The following SH3GL3 variants were observed in gnomAD, a reference collection of about 807,000 sequenced individuals.
SH3GL3 encodes the protein SH3 domain containing GRB2 like 3, endophilin A3, also known as endophilin-A3.
In SH3GL3, 33 loss-of-function variants were observed where a neutral mutation model predicts 47.7. That is an observed-to-expected ratio of 0.69 (90% CI 0.52 to 0.92). SH3GL3 has a LOEUF of 0.92. SH3GL3 is among the 40% of genes least tolerant of loss of function. The probability of loss-of-function intolerance (pLI) is 0.00; values close to 1 mark genes in which losing one functional copy is unlikely to be tolerated. For missense variants in SH3GL3, 363 were observed against 417.8 expected (o/e 0.87, Z 1.14); for synonymous variants, 155 against 148.8 (o/e 1.04, Z -0.30).
chr15:83,480,153 T>G (rs1279157127), intron 1 of SH3GL3, among the ~76,000 whole-genome samples: 1 of 152,192 alleles, frequency 6.6e-6, no homozygotes, highest in Non-Finnish European at 1.5e-5. Flanking sequence ...ATTTGAAAAC[T>G]GTTACAACAA....
intron 8 of SH3GL3, among the ~76,000 whole-genome samples, chr15:83,600,798 C>G (rs577791340): frequency 2.6e-5 from 4 of 152,162 alleles, no homozygotes; most frequent in Non-Finnish European, 5.9e-5. Context: ...TGGTTATCTT[C>G]ACAATATTGA....
chr15:83,541,533 A>G (rs922427332), intron 1 of SH3GL3, among the ~76,000 whole-genome samples: 2 of 151,460 alleles, frequency 1.3e-5, no homozygotes, highest in East Asian at 1.9e-4. Flanking sequence ...CGGTAATTCT[A>G]TTTTTTGAGG....
chr15:83,534,698 G>C (rs1357867130), intron 1 of SH3GL3, among the ~76,000 whole-genome samples: 1 of 152,160 alleles, frequency 6.6e-6, no homozygotes, highest in East Asian at 1.9e-4. Context: ...CCTCAGACTT[G>C]TTCTCAGCAA....
At chr15:83,541,974 A>G (rs1369587657) in intron 1 of SH3GL3, among the ~76,000 whole-genome samples, 1 of 152,166 alleles carries the variant, frequency 6.6e-6, no homozygotes, top group East Asian at 1.9e-4. Flanking sequence ...TTAACTTGAT[A>G]TGATCCCATC....
rs533397469 is a variant in SH3GL3 at position 83,448,723 on chromosome 15, C to T, written c.45+1145C>T. On this transcript the variant is annotated intron_variant, in intron 1 of 8. Coordinates refer to ENST00000427482, the MANE Select transcript of SH3GL3 (RefSeq NM_003027.5). This position sits in a 1 kb window ranked among gnomAD's most constrained non-coding sequence, Gnocchi z 4.2. ...CAAATTGGCCCATAGAAAGCAACTG[C>T]AATTAGAAGATTCTCTTCTTCTAGC... Among the ~76,000 whole-genome samples, 1 of 152,252 alleles carries T rather than the reference C, an allele frequency of 6.6e-6. No homozygotes were observed. Among genetic ancestry groups the T allele is most frequent in the African/African-American group, 2.4e-5 (1 of 41,548 alleles).
the SH3GL3 span, among the ~76,000 whole-genome samples, chr15:83,633,783 C>G: frequency 3.3e-5 from 5 of 152,118 alleles, no homozygotes; most frequent in African/African-American, 1.2e-4. Flanking sequence ...CTCCCCCTAA[C>G]CTAGCTTTGG....
intron 1 of SH3GL3, among the ~76,000 whole-genome samples, chr15:83,521,138 G>C (rs1017432211): frequency 1.3e-5 from 2 of 152,042 alleles, no homozygotes; most frequent in Non-Finnish European, 2.9e-5. Context: ...CAGAATAATT[G>C]GTAACCAAAT....
At chr15:83,584,681 A>G (rs559823172) in intron 6 of SH3GL3, among the ~76,000 whole-genome samples, 4 of 152,326 alleles carry the variant, frequency 2.6e-5, no homozygotes, top group African/African-American at 9.6e-5. Context: ...CAGAAAAGGG[A>G]GTGGATTCTC....
chr15:83,489,588 C>T (rs1401512326), intron 1 of SH3GL3, among the ~76,000 whole-genome samples: 3 of 152,186 alleles, frequency 2.0e-5, no homozygotes, highest in South Asian at 2.1e-4. Context: ...AAGATCCTTT[C>T]GTATTAAATA....
chr15:83,467,662 A>G (rs986597894), intron 1 of SH3GL3, among the ~76,000 whole-genome samples: 2 of 152,232 alleles, frequency 1.3e-5, no homozygotes, highest in African/African-American at 4.8e-5. Flanking sequence ...AAGTCTTCTA[A>G]TCAATGGATA....
At chr15:83,586,273 A>G (rs976143908) in intron 6 of SH3GL3, among the ~76,000 whole-genome samples, 3 of 152,204 alleles carry the variant, frequency 2.0e-5, no homozygotes, top group African/African-American at 7.2e-5. Context: ...CTCAAATTAT[A>G]CAGCCCCATA....
chr15:83,497,701 T>C lies in SH3GL3; in HGVS notation c.45+50123T>C, dbSNP rs545394936. ...CATATCTCTACCCACTGCTTTCACTTCCTGATCACGTATCACTGTCAACCA... is the reference window on the plus strand; with the variant it reads ...CATATCTCTACCCACTGCTTTCACTCCCTGATCACGTATCACTGTCAACCA... On this transcript the variant is annotated intron_variant, in intron 1 of 8. Transcript: ENST00000427482. 1.1e-4 allele frequency among the ~76,000 whole-genome samples: 17 copies of C among 152,318 alleles called. No homozygotes were observed. In the East Asian group the frequency reaches 2.9e-3, roughly 26 times the overall value.
chr15:83,546,949 C>G (rs1433221327), intron 1 of SH3GL3, among the ~76,000 whole-genome samples: 1 of 152,184 alleles, frequency 6.6e-6, no homozygotes, highest in Non-Finnish European at 1.5e-5. Context: ...CTTTACACTT[C>G]CCTCTTCTTA....
intron 1 of SH3GL3, among the ~76,000 whole-genome samples, chr15:83,546,664 G>A (rs1299202562): frequency 3.3e-5 from 5 of 151,698 alleles, no homozygotes; most frequent in Non-Finnish European, 5.9e-5. Flanking sequence ...ACAGTACTGG[G>A]TCTTGCCAAG....
rs139326954 is a variant in SH3GL3, at chr15:83,498,166, C to T, written c.45+50588C>T. On this transcript the variant is annotated intron_variant, in intron 1 of 8. Transcript: ENST00000427482. ...GCTCTACTTGGACACCCCCACACAC[C>T]TCAAATTAGTTTTCAAAAAATATAT... Among the ~76,000 whole-genome samples, 6 of 152,322 alleles carry T rather than the reference C, an allele frequency of 3.9e-5. No homozygotes were observed. In the East Asian group the frequency reaches 1.2e-3, roughly 29 times the overall value.
At chr15:83,632,927 T>C in the SH3GL3 span, among the ~76,000 whole-genome samples, 7 of 152,112 alleles carry the variant, frequency 4.6e-5, no homozygotes, top group Admixed American at 4.6e-4. Flanking sequence ...ATATAAATGT[T>C]CACTAAGCAC....
At position 83,448,475 on chromosome 15, in the gene SH3GL3, TG is replaced by T. The variant is rs1210348661; in HGVS notation, c.45+898del. ...GTGTGTGTGTGTGTGTGTGTGTGTG[TG>T]TGTGTTGATGACAAGCAAATTTGTT... is the stretch of plus-strand genomic sequence containing the variant. On this transcript the variant is annotated intron_variant, in intron 1 of 8. Coordinates refer to ENST00000427482, the MANE Select transcript of SH3GL3 (RefSeq NM_003027.5). The surrounding 1 kb of genome is among the most constrained non-coding windows in gnomAD (Gnocchi z 4.2). Among the ~76,000 whole-genome samples, 3 of 151,010 alleles carry T rather than the reference TG, an allele frequency of 2.0e-5. No homozygotes were observed. Among genetic ancestry groups the T allele is most frequent in the African/African-American group, 7.3e-5 (3 of 40,844 alleles).
chr15:83,629,990 G>A, the SH3GL3 span, among the ~76,000 whole-genome samples: 1 of 152,300 alleles, frequency 6.6e-6, no homozygotes, highest in African/African-American at 2.4e-5. Context: ...CCCAGTGAGA[G>A]GTAATTGAAT....
At chr15:83,459,330 CT>C (rs1408444655) in intron 1 of SH3GL3, among the ~76,000 whole-genome samples, 1 of 152,190 alleles carries the variant, frequency 6.6e-6, no homozygotes. Context: ...AGAAACAGTA[CT>C]TTGCATTCTT....
Sources: gnomAD v4.1 joint callset for allele counts (sites outside exome capture counted in the v4.1 genomes callset) on GRCh38, gnomAD v4.1.1 for gene constraint, Gnocchi (gnomAD v3.1) non-coding constraint, MANE v1.5 for transcripts, NCBI Gene and HGNC (gene_info 2026-07-23, HGNC 2026-07-21) for gene names.